The following DOCK2 variants were observed in gnomAD, a reference collection of about 807,000 sequenced individuals.
DOCK2 encodes the protein dedicator of cytokinesis 2.
A neutral mutation model predicts 248.9 loss-of-function variants in DOCK2; 87 were observed. The observed-to-expected ratio is 0.35, with a 90% CI of 0.29 to 0.42. The LOEUF is 0.42. Ranked by LOEUF, DOCK2 falls within the 10% of genes least tolerant of loss-of-function variation. The probability of loss-of-function intolerance (pLI) is 1.00; values close to 1 mark genes in which losing one functional copy is unlikely to be tolerated. For missense variants in DOCK2, 1,747 were observed against 2,300.2 expected (o/e 0.76, Z 4.92); for synonymous variants, 805 against 821.6 (o/e 0.98, Z 0.35).
chr5:170,069,336 C>A, intron 46 of DOCK2, 116 bp downstream of exon 46: 2 of 1,049,960 alleles, frequency 1.9e-6, no homozygotes, highest in Non-Finnish European at 2.9e-6. Flanking sequence ...GCCCTCCTGT[C>A]CCTTGCTTTT....
intron 28 of DOCK2, 43 bp downstream of exon 28, chr5:169,983,209 C>A: frequency 1.3e-6 from 2 of 1,593,816 alleles, no homozygotes; most frequent in Non-Finnish European, 1.7e-6. Flanking sequence ...ACTCTTCCAT[C>A]TCTGGAACAT....
At chr5:170,037,391 G>T (rs1164662773) in intron 36 of DOCK2, among the ~76,000 whole-genome samples, 1 of 150,462 alleles carries the variant, frequency 6.6e-6, no homozygotes, top group Admixed American at 6.6e-5. Flanking sequence ...ATTTTTTCCA[G>T]AATATATCAT....
At chr5:169,712,080 T>G (rs1174867041) in intron 16 of DOCK2, 40 bp from the exon 17 acceptor site, 15 of 1,613,664 alleles carry the variant, frequency 9.3e-6, no homozygotes, top group Non-Finnish European at 1.3e-5. Flanking sequence ...GGGTGGCCCA[T>G]GTATCATTTT....
chr5:169,777,102 C>G (rs754807432), intron 25 of DOCK2, among the ~76,000 whole-genome samples: 1 of 152,120 alleles, frequency 6.6e-6, no homozygotes, highest in Non-Finnish European at 1.5e-5. Flanking sequence ...TGAGTCTCAC[C>G]CAAACTTACC....
chr5:169,642,110 T>C (rs1422812), intron 1 of DOCK2, among the ~76,000 whole-genome samples: 42,520 of 152,096 alleles, frequency 0.28, 7,205 homozygotes, highest in African/African-American at 0.46. Context: ...ATCCCAAACA[T>C]ACCCAGGAGC....
At chr5:169,881,341 G>C (rs1581348898) in intron 27 of DOCK2, 1 of 1,543,886 alleles carries the variant, frequency 6.5e-7, no homozygotes, top group African/African-American at 1.4e-5. Context: ...ATGGTCTACA[G>C]AGCAGGCCTC....
At chr5:169,945,162 T>G (rs1390250720) in intron 27 of DOCK2, among the ~76,000 whole-genome samples, 1 of 152,112 alleles carries the variant, frequency 6.6e-6, no homozygotes, top group Admixed American at 6.5e-5. Flanking sequence ...GTTAAAAAGG[T>G]GTGGGTTAAA....
At chr5:169,979,108 A>G (rs1245416867) in intron 27 of DOCK2, among the ~76,000 whole-genome samples, 1 of 152,138 alleles carries the variant, frequency 6.6e-6, no homozygotes, top group Non-Finnish European at 1.5e-5. Context: ...CCGGGATGAA[A>G]AGAGGGGGAT....
At chr5:169,992,994 T>A (rs879564782) in intron 29 of DOCK2, among the ~76,000 whole-genome samples, 4 of 152,124 alleles carry the variant, frequency 2.6e-5, no homozygotes, top group Non-Finnish European at 5.9e-5. Flanking sequence ...GGAGACAAGT[T>A]TAAGCTGACA....
intron 24 of DOCK2, 101 bp downstream of exon 24, chr5:169,759,876 G>T: frequency 1.5e-6 from 2 of 1,291,518 alleles, no homozygotes; most frequent in South Asian, 2.5e-5. Context: ...CACTCAGCTT[G>T]GGGATGGGGA....
intron 27 of DOCK2, among the ~76,000 whole-genome samples, chr5:169,946,583 AT>A (rs1776459832): frequency 6.6e-6 from 1 of 152,180 alleles, no homozygotes; most frequent in South Asian, 2.1e-4. Context: ...TCATTCATTC[AT>A]TCACTTTTTC....
chr5:169,885,630 T>C (rs1370596136), intron 27 of DOCK2, among the ~76,000 whole-genome samples: 1 of 152,264 alleles, frequency 6.6e-6, no homozygotes, highest in African/African-American at 2.4e-5. Context: ...TTTACCATGC[T>C]GAGGACTTTA....
intron 34 of DOCK2, among the ~76,000 whole-genome samples, chr5:170,031,135 C>T (rs914024220): frequency 3.3e-5 from 5 of 152,192 alleles, no homozygotes; most frequent in Non-Finnish European, 5.9e-5. Flanking sequence ...TAAGACACAC[C>T]GCTGCCTTTC....
chr5:169,708,379 G>T, intron 15 of DOCK2, 112 bp downstream of exon 15: 1 of 1,072,974 alleles, frequency 9.3e-7, no homozygotes. Flanking sequence ...GCCGTGTGAG[G>T]TTTGTACTAA....
chr5:170,082,906 T>A lies in DOCK2; in HGVS notation c.*48T>A, dbSNP rs1758084782. On this transcript the variant is annotated 3_prime_UTR_variant, in exon 52 of 52. Coordinates refer to ENST00000520908, the MANE Select transcript of DOCK2 (RefSeq NM_004946.3). ...TGGGAGAGCCAGGGAGGGGAGTTTC[T>A]GGAAGAGGAAAGCCATGCGTGGAAC... 1 of 1,612,828 alleles carries A rather than the reference T, an allele frequency of 6.2e-7. No homozygotes were observed. Among genetic ancestry groups the A allele is most frequent in the Non-Finnish European group, 8.5e-7 (1 of 1,179,020 alleles).
chr5:170,026,454 G>T (rs755682572), intron 33 of DOCK2, among the ~76,000 whole-genome samples: 1 of 152,124 alleles, frequency 6.6e-6, no homozygotes, highest in South Asian at 2.1e-4. Flanking sequence ...TGAAGACCGG[G>T]TGTAAAGAGG....
At chr5:169,792,550 A>C (rs1227955406) in intron 25 of DOCK2, among the ~76,000 whole-genome samples, 1 of 152,008 alleles carries the variant, frequency 6.6e-6, no homozygotes, top group Non-Finnish European at 1.5e-5. Context: ...GGGCTGAAGC[A>C]GTCCTTCCAT....
intron 27 of DOCK2, among the ~76,000 whole-genome samples, chr5:169,908,430 C>A (rs1180282847): frequency 1.3e-5 from 2 of 152,010 alleles, no homozygotes; most frequent in Non-Finnish European, 2.9e-5. Context: ...AAAACTAATC[C>A]CCAAATCATG....
chr5:170,067,258 C>T (rs1319163155), intron 44 of DOCK2, among the ~76,000 whole-genome samples: 1 of 151,608 alleles, frequency 6.6e-6, no homozygotes, highest in African/African-American at 2.4e-5. Context: ...GGGGCACACT[C>T]AGCAGGTACC....
Sources: gnomAD v4.1 joint callset for allele counts (sites outside exome capture counted in the v4.1 genomes callset) on GRCh38, gnomAD v4.1.1 for gene constraint, MANE v1.5 for transcripts, NCBI Gene and HGNC (gene_info 2026-07-23, HGNC 2026-07-21) for gene names.